Variants in SNX18 observed in about 807,000 individuals in gnomAD.
The protein encoded by SNX18 is sorting nexin 18.
A neutral mutation model predicts 48.7 loss-of-function variants in SNX18; 35 were observed. The ratio of observed to expected loss-of-function variants is 0.72; its 90% CI spans 0.55 to 0.95. The LOEUF (loss-of-function observed/expected upper bound fraction) is 0.95. Ranked by LOEUF, SNX18 falls within the 40% of genes least tolerant of loss-of-function variation. The probability of loss-of-function intolerance (pLI) is 0.00; values close to 1 mark genes in which losing one functional copy is unlikely to be tolerated. For synonymous variants in SNX18, 492 were observed against 384.7 expected, an observed-to-expected ratio of 1.28 and a Z score of -3.26; for missense variants, 824 against 871.0, an observed-to-expected ratio of 0.95 and a Z score of 0.68.
At chr5:54,618,603 G>A in the SNX18 span, among the ~76,000 whole-genome samples, 1 of 152,230 alleles carries the variant, frequency 6.6e-6, no homozygotes, top group Non-Finnish European at 1.5e-5. Context: ...CGATGTTAGA[G>A]TAGATGTTAA....
At chr5:54,624,327 G>C in the SNX18 span, among the ~76,000 whole-genome samples, 3 of 152,112 alleles carry the variant, frequency 2.0e-5, no homozygotes, top group Admixed American at 2.0e-4. Flanking sequence ...AGTTAGCAGG[G>C]GTTTGGGCTC....
chr5:54,615,284 C>T, the SNX18 span, among the ~76,000 whole-genome samples: 2 of 152,132 alleles, frequency 1.3e-5, no homozygotes, highest in African/African-American at 2.4e-5. Flanking sequence ...TGTCTAGTTC[C>T]CAGCTACAAT....
chr5:54,576,368 T>A, the SNX18 span, among the ~76,000 whole-genome samples: 1 of 152,148 alleles, frequency 6.6e-6, no homozygotes, highest in Non-Finnish European at 1.5e-5. Context: ...ACGTGGCAGG[T>A]CTCCCCAAGG....
At chr5:54,519,723 G>T (rs1449374837) in intron 1 of SNX18, 150 bp downstream of exon 1, 1 of 1,614,206 alleles carries the variant, frequency 6.2e-7, no homozygotes, top group Non-Finnish European at 8.5e-7. Context: ...CTTTTCCCTA[G>T]AGTGTAAGTT....
the SNX18 span, among the ~76,000 whole-genome samples, chr5:54,588,261 A>T: frequency 6.6e-6 from 1 of 151,622 alleles, no homozygotes; most frequent in Non-Finnish European, 1.5e-5. Flanking sequence ...TTTGAAAAAA[A>T]AATAATTCAA....
the SNX18 span, among the ~76,000 whole-genome samples, chr5:54,608,444 C>G: frequency 1.3e-5 from 2 of 152,000 alleles, no homozygotes; most frequent in African/African-American, 4.8e-5. Flanking sequence ...CTATGTTGCC[C>G]AAGCTGGTCT....
At chr5:54,620,695 T>C in the SNX18 span, among the ~76,000 whole-genome samples, 4 of 152,136 alleles carry the variant, frequency 2.6e-5, no homozygotes, top group African/African-American at 9.7e-5. Context: ...AGAGTAGCCA[T>C]AACAAAATAC....
At chr5:54,572,776 T>TATATA in the SNX18 span, among the ~76,000 whole-genome samples, 1 of 7,206 alleles carries the variant, frequency 1.4e-4, no homozygotes, top group African/African-American at 4.5e-4. Flanking sequence ...ATATATATAT[T>TATATA]TTTTTTTTTT....
At chr5:54,623,456 A>C in the SNX18 span, among the ~76,000 whole-genome samples, 1 of 152,046 alleles carries the variant, frequency 6.6e-6, no homozygotes, top group Non-Finnish European at 1.5e-5. Flanking sequence ...AGCACAGGCC[A>C]CAGAGGGCTG....
the SNX18 span, among the ~76,000 whole-genome samples, chr5:54,606,523 G>T: frequency 6.6e-6 from 1 of 152,164 alleles, no homozygotes; most frequent in Non-Finnish European, 1.5e-5. Flanking sequence ...CACTGGGTCA[G>T]TTGGCTCAAT....
At chr5:54,608,600 G>C in the SNX18 span, among the ~76,000 whole-genome samples, 1 of 152,172 alleles carries the variant, frequency 6.6e-6, no homozygotes, top group Non-Finnish European at 1.5e-5. Flanking sequence ...CTGGGATATG[G>C]AGATAGCCTG....
chr5:54,622,386 C>G, the SNX18 span, among the ~76,000 whole-genome samples: 1 of 151,850 alleles, frequency 6.6e-6, no homozygotes, highest in Non-Finnish European at 1.5e-5. Flanking sequence ...GTAGTCCCAG[C>G]TACTTGGGAG....
At chr5:54,608,638 G>A in the SNX18 span, among the ~76,000 whole-genome samples, 1 of 152,242 alleles carries the variant, frequency 6.6e-6, no homozygotes, top group African/African-American at 2.4e-5. Flanking sequence ...TATGAAATCA[G>A]TGTTGAAATA....
At chr5:54,605,177 T>G in the SNX18 span, among the ~76,000 whole-genome samples, 8 of 152,100 alleles carry the variant, frequency 5.3e-5, no homozygotes, top group Non-Finnish European at 8.8e-5. Flanking sequence ...AGGAACTCTC[T>G]GGGGGATTTT....
chr5:54,518,778 T>A lies in SNX18; in HGVS notation c.826T>A (p.Phe276Ile). The A allele has an allele frequency of 6.2e-7, 1 of 1,606,102 alleles. No individual in the cohort carries two copies. The highest frequency in any genetic ancestry group is 8.5e-7 in the Non-Finnish European group (1 of 1,175,678). Residue 276 changes from phenylalanine (F) to isoleucine (I), a missense_variant, in exon 1 of 2, where the codon TTC (phenylalanine) becomes ATC (isoleucine). Around this residue, in one of 3 missense-constraint regions of SNX18, gnomAD observed 443 missense variants for 503.6 expected, o/e 0.88. Coordinates refer to ENST00000381410, the MANE Select transcript of SNX18 (RefSeq NM_001102575.2). ...CGAGTGGCAGGAGAACCCCTACCCG[T>A]TCCAGTGCACCATCGACGACCCCAC... The part of the protein sequence containing the change: ...GPEWQENPYP[F>I]QCTIDDPTKQ...
chr5:54,527,363 G>A (rs2565006), intron 1 of SNX18, among the ~76,000 whole-genome samples: 6 of 149,902 alleles, frequency 4.0e-5, no homozygotes, highest in Middle Eastern at 3.4e-3. Context: ...GGAGCCGGGG[G>A]GGGGGGTCCC....
the SNX18 span, among the ~76,000 whole-genome samples, chr5:54,625,222 T>C: frequency 6.6e-6 from 1 of 152,102 alleles, no homozygotes; most frequent in Non-Finnish European, 1.5e-5. Context: ...CTCCAAAACA[T>C]AGTGGATTAA....
chr5:54,538,129 A>G (rs1486087199), intron 1 of SNX18, among the ~76,000 whole-genome samples: 2 of 152,244 alleles, frequency 1.3e-5, no homozygotes, highest in Admixed American at 6.5e-5. Context: ...ATATGTACAC[A>G]TAATTCCCAG....
chr5:54,604,555 T>C, the SNX18 span, among the ~76,000 whole-genome samples: 1 of 152,168 alleles, frequency 6.6e-6, no homozygotes, highest in African/African-American at 2.4e-5. Flanking sequence ...ATGAGGTAAT[T>C]TGAATAGGCA....
Sources: gnomAD v4.1 joint callset for allele counts (sites outside exome capture counted in the v4.1 genomes callset) on GRCh38, gnomAD v4.1.1 for gene constraint, gnomAD v4.1.1 regional missense constraint, MANE v1.5 for transcripts, NCBI Gene and HGNC (gene_info 2026-07-23, HGNC 2026-07-21) for gene names.